The following POLB variants were observed in gnomAD, a reference collection of about 807,000 sequenced individuals.
POLB encodes the protein DNA polymerase beta.
A neutral mutation model predicts 52.7 loss-of-function variants in POLB; 37 were observed. The ratio of observed to expected loss-of-function variants is 0.70; its 90% CI spans 0.54 to 0.92. POLB has a LOEUF of 0.92. Ranked by LOEUF, POLB falls within the 40% of genes least tolerant of loss-of-function variation. POLB has a pLI of 0.00. For synonymous variants in POLB, 138 were observed against 131.3 expected (o/e 1.05, Z -0.35); for missense variants, 313 against 400.8 (o/e 0.78, Z 1.87).
At position 42,342,850 on chromosome 8, in the gene POLB, T is replaced by C. The variant is rs572163615; in HGVS notation, c.120-2103T>C. The stretch of plus-strand genomic sequence containing the variant: ...TCTGCATTAAAAAAAAATAAATTGA[T>C]ATAGGGACATAAGGGAATGCAGTTT... On this transcript the variant is annotated intron_variant, in intron 2 of 13. Transcript: ENST00000265421. Among the ~76,000 whole-genome samples the C allele has an allele frequency of 6.6e-5, 10 of 152,050 alleles. No homozygotes were observed. In the East Asian group the frequency reaches 1.6e-3, roughly 24 times the overall value.
At chr8:42,365,072 G>A (rs1823955401) in intron 11 of POLB, among the ~76,000 whole-genome samples, 1 of 151,588 alleles carries the variant, frequency 6.6e-6, no homozygotes, top group Non-Finnish European at 1.5e-5. Context: ...GGGTGACAGA[G>A]CAAGACCCCA....
intron 6 of POLB, among the ~76,000 whole-genome samples, chr8:42,353,639 C>A (rs1169062911): frequency 6.6e-6 from 1 of 151,588 alleles, no homozygotes; most frequent in African/African-American, 2.4e-5. Flanking sequence ...TGTATGTATA[C>A]ATATGGATTC....
chr8:42,368,520 TGGTGC>T (rs1824179905), intron 11 of POLB, among the ~76,000 whole-genome samples: 1 of 152,220 alleles, frequency 6.6e-6, no homozygotes, highest in Admixed American at 6.5e-5. Flanking sequence ...GGAAATTTGG[TGGTGC>T]TTATATCTTG....
chr8:42,355,499 A>G lies in POLB; in HGVS notation c.371-17A>G. The G allele has an allele frequency of 6.9e-7, 1 of 1,445,270 alleles. No individual in the cohort carries two copies. The highest frequency in any genetic ancestry group is 2.3e-5 in the East Asian group (1 of 43,800). The allele number at this position is 1,445,270 out of a possible 1,614,324, so 89.5% of individuals were successfully genotyped here. A position where few individuals can be genotyped will look rare whatever the true frequency, so the allele number is the denominator to read the frequency against. ...GCATTTAAATTAACATGTCAACTTTATTTATCTTCTATACAGATCTCAGAA... is the reference window on the plus strand; with the variant it reads ...GCATTTAAATTAACATGTCAACTTTGTTTATCTTCTATACAGATCTCAGAA... On this transcript the variant is annotated splice_polypyrimidine_tract_variant and intron_variant, in intron 6 of 13. Transcript: ENST00000265421.
chr8:42,352,808 C>T (rs980766717), intron 6 of POLB, among the ~76,000 whole-genome samples: 3 of 152,022 alleles, frequency 2.0e-5, no homozygotes, highest in African/African-American at 4.8e-5. Flanking sequence ...GGGCCAGGCG[C>T]GGTGCCTCAT....
chr8:42,364,032 T>C (rs1823890621), intron 11 of POLB, among the ~76,000 whole-genome samples: 1 of 150,202 alleles, frequency 6.7e-6, no homozygotes, highest in East Asian at 2.0e-4. Context: ...GTTCAAGCAG[T>C]TCTCCTGCCT....
intron 9 of POLB, chr8:42,357,706 T>G (rs2130824154): frequency 7.7e-6 from 2 of 261,406 alleles, no homozygotes; most frequent in South Asian, 2.7e-4. Context: ...TGGGTAGTTT[T>G]GTTAATTTAC....
intron 3 of POLB, 84 bp downstream of exon 3, chr8:42,345,103 A>C: frequency 1.2e-6 from 1 of 842,022 alleles, no homozygotes; most frequent in South Asian, 1.4e-5. Flanking sequence ...TGCCTGTCTG[A>C]AGCAGCCTTG....
intron 2 of POLB, among the ~76,000 whole-genome samples, chr8:42,344,032 G>A (rs1451229119): frequency 6.6e-6 from 1 of 151,046 alleles, no homozygotes; most frequent in Admixed American, 6.6e-5. Flanking sequence ...TCAGGAGGCT[G>A]AGGTAGGAGG....
intron 11 of POLB, among the ~76,000 whole-genome samples, chr8:42,368,615 G>C (rs925551845): frequency 1.3e-5 from 2 of 152,140 alleles, no homozygotes; most frequent in Non-Finnish European, 2.9e-5. Context: ...AACAGACTTG[G>C]ATAACTTTTG....
intron 11 of POLB, among the ~76,000 whole-genome samples, chr8:42,363,657 C>G (rs1452400635): frequency 2.7e-5 from 4 of 150,800 alleles, no homozygotes; most frequent in Non-Finnish European, 4.4e-5. Flanking sequence ...CTCATCTTCT[C>G]TGATTCAGAA....
intron 5 of POLB, among the ~76,000 whole-genome samples, chr8:42,351,189 T>C (rs1000488476): frequency 6.6e-6 from 1 of 151,990 alleles, no homozygotes; most frequent in Non-Finnish European, 1.5e-5. Context: ...GCATCTATTA[T>C]CCTTTTTTTC....
intron 11 of POLB, among the ~76,000 whole-genome samples, chr8:42,366,804 C>T (rs140480817): frequency 2.4e-4 from 37 of 152,284 alleles, no homozygotes; most frequent in East Asian, 1.7e-3. Context: ...ATTTGCCCTA[C>T]GTCAGAAGAC....
intron 11 of POLB, among the ~76,000 whole-genome samples, chr8:42,363,066 T>C (rs1823810060): frequency 6.7e-6 from 1 of 149,490 alleles, no homozygotes; most frequent in African/African-American, 2.5e-5. Context: ...GGAGGTGCGG[T>C]GAGCATAGAT....
chr8:42,370,009 T>C, intron 13 of POLB, 21 bp downstream of exon 13: 1 of 1,584,870 alleles, frequency 6.3e-7, no homozygotes, highest in Non-Finnish European at 8.7e-7. Context: ...ATGTGTGTAT[T>C]AGAGATCATC....
chr8:42,338,593 G>C lies in POLB; in HGVS notation c.-32G>C, dbSNP rs1821989682. 6.2e-7 allele frequency: 1 copy of C among 1,607,112 alleles called. No individual in the cohort carries two copies. The highest frequency in any genetic ancestry group is 1.3e-5 in the African/African-American group (1 of 74,798). On this transcript the variant is annotated 5_prime_UTR_variant, in exon 1 of 14. Coordinates refer to ENST00000265421, the MANE Select transcript of POLB (RefSeq NM_002690.3). ...GGAGAGGGCTCTAGTCCCTGGTTCT[G>C]AACACTCTGGGGTTCTCGGGTGCAG...
chr8:42,341,147 A>G lies in POLB; in HGVS notation c.119+2078A>G, dbSNP rs528886342. On this transcript the variant is annotated intron_variant, in intron 2 of 13. Transcript: ENST00000265421. ...CCTACCCCAGTAGACATTTCTGTTG[A>G]TTGTGGCCAAAGTATTCTTTTGAAA... Among the ~76,000 whole-genome samples, 19 of 152,350 alleles carry G rather than the reference A, an allele frequency of 1.2e-4. No homozygotes were observed. The East Asian group carries it at 3.7e-3, about 29-fold the overall frequency.
chr8:42,344,998 T>C lies in POLB; in HGVS notation c.165T>C (p.Ser55=). ...VIAKYPHKIK[S]GAEAKKLPGV... Reference sequence around the variant, plus strand: ...CAAAATACCCACACAAAATAAAGAGTGGAGCTGAAGCTAAGAAATTGGTAA... The same window carrying C: ...CAAAATACCCACACAAAATAAAGAGCGGAGCTGAAGCTAAGAAATTGGTAA... The change falls in exon 3 of 14, where the codon AGT becomes AGC. Residue 55 remains serine, a synonymous_variant. Coordinates refer to ENST00000265421, the MANE Select transcript of POLB (RefSeq NM_002690.3). 6.2e-7 allele frequency: 1 copy of C among 1,609,046 alleles called. No individual in the cohort carries two copies. Among genetic ancestry groups the C allele is most frequent in the Non-Finnish European group, 8.5e-7 (1 of 1,175,698 alleles).
At chr8:42,340,256 C>G (rs1042938742) in intron 2 of POLB, 25 of 152,130 alleles carry the variant, frequency 1.6e-4, no homozygotes, top group African/African-American at 5.8e-4. Context: ...TTGAAATGCT[C>G]TAAAATCTGG....
Sources: gnomAD v4.1 joint callset for allele counts (sites outside exome capture counted in the v4.1 genomes callset) on GRCh38, gnomAD v4.1.1 for gene constraint, MANE v1.5 for transcripts, NCBI Gene and HGNC (gene_info 2026-07-23, HGNC 2026-07-21) for gene names.